Variants in DAB1 observed in about 807,000 individuals in gnomAD.
DAB1 encodes DAB adaptor protein 1.
Under a neutral mutation model 64.6 loss-of-function variants are expected in DAB1, and 15 were observed. That is an observed-to-expected ratio of 0.23 (90% CI 0.16 to 0.36). The LOEUF is 0.36. Ranked by LOEUF, DAB1 falls within the 10% of genes least tolerant of loss-of-function variation. The pLI is 1.00. For synonymous variants in DAB1, 235 were observed against 251.9 expected (o/e 0.93, Z 0.64); for missense variants, 596 against 706.7 (o/e 0.84, Z 1.78).
Position 57,026,028 on chromosome 1 carries a change from C to T in DAB1, c.739G>A (p.Glu247Lys). 1.3e-6 allele frequency: 2 copies of T among 1,598,442 alleles called. No homozygotes were observed. Among genetic ancestry groups the T allele is most frequent in the Non-Finnish European group, 1.7e-6 (2 of 1,173,904 alleles). ...GGTGTGGACATGTCCCCAAAAAGTTCTAATTGGGTCACAGCCTGTAAAGAC... is the reference window on the plus strand; with the variant it reads ...GGTGTGGACATGTCCCCAAAAAGTTTTAATTGGGTCACAGCCTGTAAAGAC... ...SQPVSAVTQLELFGDMSTPPD... is the reference protein window; with the variant it reads ...SQPVSAVTQLKLFGDMSTPPD... Residue 247 changes from glutamate to lysine, a missense_variant, in exon 10 of 15, where the codon GAA becomes AAA. Glu to Lys is a moderately conservative substitution (Grantham distance 56). Transcript: ENST00000371236.
intron 1 of DAB1, among the ~76,000 whole-genome samples, chr1:58,541,315 A>G (rs1415807222): frequency 3.2e-5 from 4 of 126,344 alleles, no homozygotes; most frequent in African/African-American, 6.5e-5. Context: ...AAAAAAAAAA[A>G]AAAAAAAAAA....
Position 57,010,699 on chromosome 1 carries a change from C to T in DAB1, c.1664G>A (p.Ser555Asn), listed in dbSNP as rs1447674002. 3 of 1,570,206 alleles carry T rather than the reference C, an allele frequency of 1.9e-6. No individual in the cohort carries two copies. The highest frequency in any genetic ancestry group is 1.4e-5 in the African/African-American group (1 of 73,324). Residue 555 changes from serine (S) to asparagine (N), a missense_variant, in exon 14 of 15, where the codon AGC (serine) becomes AAC (asparagine). Physicochemically the swap from Ser to Asn is conservative, Grantham distance 46. This residue lies in a region of DAB1 where 377 missense variants were observed against 400.4 expected (regional missense o/e 0.94). Transcript: ENST00000371236. ...SGDNISPQAG[S>N] ...ACCTACCCAGACCTGCGCTATCTAG[C>T]TACCGGCCTGTGGACTTATATTATC...
chr1:57,252,198 C>A (rs1669394316), intron 2 of DAB1, among the ~76,000 whole-genome samples: 1 of 152,128 alleles, frequency 6.6e-6, no homozygotes, highest in African/African-American at 2.4e-5. Context: ...ATTTTTCATC[C>A]ATCACTGACT....
At chr1:57,256,375 T>C (rs536793378) in intron 2 of DAB1, among the ~76,000 whole-genome samples, 1 of 152,304 alleles carries the variant, frequency 6.6e-6, no homozygotes, top group East Asian at 1.9e-4. Flanking sequence ...AAAGGTCATA[T>C]TTGATCAGTT....
At chr1:57,955,483 T>A (rs1645370508) in intron 5 of DAB1, among the ~76,000 whole-genome samples, 2 of 151,878 alleles carry the variant, frequency 1.3e-5, no homozygotes, top group African/African-American at 4.8e-5. Flanking sequence ...AGATTTTCCC[T>A]AATAGTAGTG....
chr1:58,170,758 C>T (rs1480882362), intron 4 of DAB1, among the ~76,000 whole-genome samples: 4 of 152,146 alleles, frequency 2.6e-5, no homozygotes, highest in Non-Finnish European at 5.9e-5. Context: ...GAGGCAATCA[C>T]TGGAAGGCAC....
At position 57,584,100 on chromosome 1, in the gene DAB1, G is replaced by A. The variant is rs377572017; in HGVS notation, n.625+65492C>T. ...TGTAACAATAGCTGAGTCTTGGCCA[G>A]TCCCAGTGGCTATACTTCAGCCACT... On this transcript the variant is annotated intron_variant and non_coding_transcript_variant, in intron 7 of 20. Coordinates refer to the DAB1 transcript ENST00000485760. Among the ~76,000 whole-genome samples, 6 of 152,310 alleles carry A rather than the reference G, an allele frequency of 3.9e-5. No homozygotes were observed. In the South Asian group the frequency reaches 8.3e-4, roughly 21 times the overall value.
chr1:58,153,386 T>TCATAC (rs1461290165), intron 4 of DAB1, among the ~76,000 whole-genome samples: 2 of 152,180 alleles, frequency 1.3e-5, no homozygotes, highest in East Asian at 3.8e-4. Context: ...GATGAGCAGG[T>TCATAC]CATACCCAGG....
At chr1:57,601,347 G>A (rs1438443496) in intron 7 of DAB1, among the ~76,000 whole-genome samples, 2 of 152,220 alleles carry the variant, frequency 1.3e-5, no homozygotes, top group African/African-American at 2.4e-5. Context: ...GCCAAGGCAG[G>A]CAGATCACTT....
chr1:57,447,194 G>C (rs190053334), intron 7 of DAB1, among the ~76,000 whole-genome samples: 29 of 152,234 alleles, frequency 1.9e-4, no homozygotes, highest in Admixed American at 1.6e-3. Context: ...TTACATACCC[G>C]CTCCTCAAAG....
Position 57,999,024 on chromosome 1 carries a change from C to T in DAB1, n.388-114862G>A, listed in dbSNP as rs1386003258. Reference sequence around the variant, plus strand: ...ACTTTGTTACTGAAAAGCCACTGAACCTCTTCTTTAAAAATGGGAGCATTT... The same window carrying T: ...ACTTTGTTACTGAAAAGCCACTGAATCTCTTCTTTAAAAATGGGAGCATTT... On this transcript the variant is annotated intron_variant and non_coding_transcript_variant, in intron 5 of 20. Coordinates refer to the DAB1 transcript ENST00000485760. 3.3e-5 allele frequency among the ~76,000 whole-genome samples: 5 copies of T among 152,116 alleles called. No homozygotes were observed. The East Asian group carries it at 9.6e-4, about 29-fold the overall frequency.
At chr1:57,341,859 T>C (rs899942889) in intron 1 of DAB1, among the ~76,000 whole-genome samples, 1 of 152,210 alleles carries the variant, frequency 6.6e-6, no homozygotes, top group Non-Finnish European at 1.5e-5. Flanking sequence ...TTTGATGCTA[T>C]AGACAGCACG....
At chr1:58,532,806 A>G (rs78325240) in intron 1 of DAB1, among the ~76,000 whole-genome samples, 17,701 of 152,258 alleles carry the variant, frequency 0.12, 1,227 homozygotes, top group African/African-American at 0.18. Flanking sequence ...GATTACAGGT[A>G]TAAGCCACTG....
intron 1 of DAB1, among the ~76,000 whole-genome samples, chr1:58,540,337 AG>A (rs1014107276): frequency 1.3e-5 from 2 of 152,156 alleles, no homozygotes; most frequent in African/African-American, 2.4e-5. Context: ...ACACTTAACA[AG>A]GTGCAATTTA....
At chr1:57,123,352 C>T (rs1656836533) in intron 4 of DAB1, among the ~76,000 whole-genome samples, 1 of 152,124 alleles carries the variant, frequency 6.6e-6, no homozygotes, top group Non-Finnish European at 1.5e-5. Flanking sequence ...AAAAGCCCTA[C>T]TTTACAATTA....
chr1:57,525,939 CTT>C (rs11299622), intron 7 of DAB1, among the ~76,000 whole-genome samples: 38 of 137,674 alleles, frequency 2.8e-4, no homozygotes, highest in Non-Finnish European at 2.5e-4. Context: ...AATAGCATTT[CTT>C]TTTTTTTTTT....
rs1026608554 is a variant in DAB1 at position 58,269,489 on chromosome 1, G to A, written n.309+73863C>T. Among the ~76,000 whole-genome samples, 558 of 149,632 alleles carry A rather than the reference G, an allele frequency of 3.7e-3. 4 individuals are homozygous for A. Among genetic ancestry groups the A allele is most frequent in the African/African-American group, 0.013 (511 of 40,690 alleles). On this transcript the variant is annotated intron_variant and non_coding_transcript_variant, in intron 4 of 20. Transcript: ENST00000485760. ...GCAATAAACATACGTCTTTATAGCC[G>A]CATGTGTCTTTATAGCAGCATGATT...
chr1:58,479,591 GAACCTATAA>G (rs1458120528), intron 3 of DAB1, among the ~76,000 whole-genome samples: 1 of 152,164 alleles, frequency 6.6e-6, no homozygotes, highest in African/African-American at 2.4e-5. Flanking sequence ...TCTGAGAGAA[GAACCTATAA>G]AATCAACCTA....
intron 1 of DAB1, among the ~76,000 whole-genome samples, chr1:57,881,832 T>C (rs990628968): frequency 3.3e-5 from 5 of 152,196 alleles, no homozygotes; most frequent in African/African-American, 7.2e-5. Flanking sequence ...ACTGTGCTCA[T>C]CACCACAATA....
Sources: allele counts gnomAD v4.1 joint callset (sites outside exome capture counted in the v4.1 genomes callset), GRCh38; gene constraint gnomAD v4.1.1; regional missense constraint gnomAD v4.1.1; transcripts MANE v1.5; gene names NCBI Gene and HGNC (gene_info 2026-07-23, HGNC 2026-07-21).